The following CTNNA3 variants were observed in gnomAD, a reference collection of about 807,000 sequenced individuals.
CTNNA3 encodes the protein catenin alpha-3.
A neutral mutation model predicts 95.7 loss-of-function variants in CTNNA3; 76 were observed. That is an observed-to-expected ratio of 0.79 (90% CI 0.66 to 0.96). The LOEUF (loss-of-function observed/expected upper bound fraction) is 0.96, where lower values mean the gene tolerates loss of function less well. CTNNA3 is among the 40% of genes least tolerant of loss of function. The pLI is 0.00. For missense variants in CTNNA3, 1,191 were observed against 1,089.8 expected, an observed-to-expected ratio of 1.09 and a Z score of -1.31; for synonymous variants, 431 against 374.4, an observed-to-expected ratio of 1.15 and a Z score of -1.74.
chr10:67,044,625 T>A (rs1306480899), intron 7 of CTNNA3, among the ~76,000 whole-genome samples: 1 of 152,212 alleles, frequency 6.6e-6, no homozygotes, highest in Non-Finnish European at 1.5e-5. Flanking sequence ...TTGACACAGC[T>A]CATGTTATAT....
exon 1 of CTNNA3, among the ~76,000 whole-genome samples, chr10:67,763,481 C>T (rs139014543): frequency 6.6e-6 from 1 of 152,332 alleles, no homozygotes; most frequent in African/African-American, 2.4e-5. Flanking sequence ...GTCGAGTTGC[C>T]TTCCTGCCTT....
chr10:66,520,529 G>T, intron 11 of CTNNA3, 88 bp downstream of exon 11: 2 of 1,234,854 alleles, frequency 1.6e-6, no homozygotes, highest in Non-Finnish European at 2.2e-6. Context: ...TGGCATTACA[G>T]GCATGAGCCA....
At chr10:67,759,103 A>G (rs966290069) in intron 1 of CTNNA3, among the ~76,000 whole-genome samples, 2 of 152,202 alleles carry the variant, frequency 1.3e-5, no homozygotes, top group Non-Finnish European at 2.9e-5. Flanking sequence ...CCAACCCACA[A>G]TTAATTGCTG....
chr10:66,125,857 A>C (rs1312707648), intron 13 of CTNNA3, among the ~76,000 whole-genome samples: 2 of 152,198 alleles, frequency 1.3e-5, no homozygotes, highest in Non-Finnish European at 1.5e-5. Context: ...CGAGAGGAGG[A>C]GGATTGAATA....
chr10:67,066,815 T>C (rs1397904993), intron 7 of CTNNA3, among the ~76,000 whole-genome samples: 1 of 152,214 alleles, frequency 6.6e-6, no homozygotes, highest in Non-Finnish European at 1.5e-5. Context: ...GCTTACCATC[T>C]AGCAGAAGGA....
chr10:66,272,629 A>T (rs2091306654), intron 13 of CTNNA3, among the ~76,000 whole-genome samples: 1 of 134,708 alleles, frequency 7.4e-6, no homozygotes, highest in Non-Finnish European at 1.5e-5. Context: ...TTACCAATTT[A>T]TTCTCCAAAT....
At chr10:66,648,492 C>T (rs1433664924) in intron 9 of CTNNA3, among the ~76,000 whole-genome samples, 1 of 152,110 alleles carries the variant, frequency 6.6e-6, no homozygotes, top group Non-Finnish European at 1.5e-5. Flanking sequence ...GCCATGATCT[C>T]TAAAAAAGAG....
Position 67,316,827 on chromosome 10 carries a change from AAATGCC to A in CTNNA3, c.580-96963_580-96958del, listed in dbSNP as rs1841072367. ...CCCTTGAAAATATAAAGTATTTTTT[AAATGCC>A]TATACTTCCAAATCCATATAATAAT... On this transcript the variant is annotated intron_variant, in intron 5 of 17. Transcript: ENST00000433211. Among the ~76,000 whole-genome samples, 12 of 152,306 alleles carry A rather than the reference AAATGCC, an allele frequency of 7.9e-5. No homozygotes were observed. The South Asian group carries it at 2.5e-3, about 32-fold the overall frequency.
chr10:66,855,595 T>G (rs1843657361), intron 7 of CTNNA3, among the ~76,000 whole-genome samples: 1 of 152,016 alleles, frequency 6.6e-6, no homozygotes, highest in South Asian at 2.1e-4. Flanking sequence ...CCATGTTTAT[T>G]GAATGGTGAA....
chr10:67,003,790 G>C (rs1005598506), intron 7 of CTNNA3, among the ~76,000 whole-genome samples: 1 of 152,144 alleles, frequency 6.6e-6, no homozygotes, highest in African/African-American at 2.4e-5. Flanking sequence ...CAAATTGAGA[G>C]GTTAATTTTG....
At chr10:66,543,901 GTGTGTGTGTGTATATATATATATA>G (rs1182876570) in intron 10 of CTNNA3, among the ~76,000 whole-genome samples, 6 of 21,644 alleles carry the variant, frequency 2.8e-4, no homozygotes, top group African/African-American at 9.0e-4. Context: ...TTCTTGAGAT[GTGTGTGTGTGTATATATATATATA>G]TATATATATA....
intron 11 of CTNNA3, among the ~76,000 whole-genome samples, chr10:66,418,745 G>A (rs1350614936): frequency 3.3e-5 from 5 of 151,932 alleles, no homozygotes; most frequent in African/African-American, 1.2e-4. Flanking sequence ...CAATAAACAT[G>A]AAACATCTAC....
At chr10:67,047,206 T>C (rs1854808612) in intron 7 of CTNNA3, among the ~76,000 whole-genome samples, 1 of 152,198 alleles carries the variant, frequency 6.6e-6, no homozygotes, top group South Asian at 2.1e-4. Context: ...TAACATTTTT[T>C]CTGGAGCCTT....
intron 3 of CTNNA3, among the ~76,000 whole-genome samples, chr10:67,601,587 G>C (rs1022296341): frequency 6.6e-6 from 1 of 152,074 alleles, no homozygotes; most frequent in African/African-American, 2.4e-5. Flanking sequence ...AGATTTTAGG[G>C]TAATAGAAAC....
rs113427017 is a variant in CTNNA3, at chr10:66,784,627, T to C, written c.1048-9103A>G. Among the ~76,000 whole-genome samples the C allele has an allele frequency of 8.4e-3, 1,282 of 152,318 alleles. 18 individuals carry two copies. The highest frequency in any genetic ancestry group is 0.029 in the African/African-American group (1,204 of 41,578). On this transcript the variant is annotated intron_variant, in intron 7 of 17. Coordinates refer to ENST00000433211, the MANE Select transcript of CTNNA3 (RefSeq NM_013266.4). Reference sequence around the variant, plus strand: ...TCTTCTTTATTTCATTAAAAAACTTTAGCTTTAACTAAATACATATAGGGC... The same window carrying C: ...TCTTCTTTATTTCATTAAAAAACTTCAGCTTTAACTAAATACATATAGGGC...
At chr10:65,931,416 C>T (rs574351968) in intron 17 of CTNNA3, among the ~76,000 whole-genome samples, 10 of 152,280 alleles carry the variant, frequency 6.6e-5, no homozygotes, top group Admixed American at 5.2e-4. Context: ...TTAACTCATA[C>T]CATTATTGCT....
At chr10:67,579,665 C>A (rs1842308869) in intron 3 of CTNNA3, among the ~76,000 whole-genome samples, 1 of 151,844 alleles carries the variant, frequency 6.6e-6, no homozygotes, top group Non-Finnish European at 1.5e-5. Flanking sequence ...TTTACAGTCC[C>A]ACCAACAGTG....
At chr10:67,708,874 C>T (rs1399369830) in intron 1 of CTNNA3, among the ~76,000 whole-genome samples, 1 of 151,942 alleles carries the variant, frequency 6.6e-6, no homozygotes, top group Non-Finnish European at 1.5e-5. Context: ...CTTTATAAAA[C>T]AAATATTTTT....
intron 7 of CTNNA3, among the ~76,000 whole-genome samples, chr10:67,140,751 CCTATTT>C (rs1564918897): frequency 6.6e-6 from 1 of 152,090 alleles, no homozygotes; most frequent in Non-Finnish European, 1.5e-5. Context: ...CAGGTCAAGT[CCTATTT>C]GGTTTTATGT....
Sources: gnomAD v4.1 joint callset for allele counts (sites outside exome capture counted in the v4.1 genomes callset) on GRCh38, gnomAD v4.1.1 for gene constraint, MANE v1.5 for transcripts, NCBI Gene and HGNC (gene_info 2026-07-23, HGNC 2026-07-21) for gene names.